The following COL4A6 variants were observed in gnomAD, a reference collection of about 807,000 sequenced individuals.
COL4A6 encodes the protein collagen alpha-6(IV) chain.
A neutral mutation model predicts 126.7 loss-of-function variants in COL4A6; 59 were observed. The observed-to-expected ratio is 0.47, with a 90% CI of 0.38 to 0.58. COL4A6 has a LOEUF of 0.58. COL4A6 is among the 20% of genes least tolerant of loss of function. The probability of loss-of-function intolerance (pLI) is 0.00; values close to 1 mark genes in which losing one functional copy is unlikely to be tolerated. For missense variants in COL4A6, 1,285 were observed against 1,337.3 expected (o/e 0.96, Z 0.61); for synonymous variants, 547 against 496.6 (o/e 1.10, Z -1.35).
chrX:108,165,686 T>G (rs1241588555), intron 37 of COL4A6, among the ~76,000 whole-genome samples, 200 bp from the exon 38 acceptor site: 2 of 111,662 alleles, frequency 1.8e-5, no homozygotes, highest in Non-Finnish European at 3.8e-5. Flanking sequence ...GCTCAGAGAC[T>G]CCCCTTTTCC....
At chrX:108,320,029 G>C (rs1050597704) in intron 2 of COL4A6, among the ~76,000 whole-genome samples, 9 of 111,770 alleles carry the variant, frequency 8.1e-5, no homozygotes, top group African/African-American at 2.9e-4. Context: ...AGAATACATA[G>C]ATACAGATGC....
chrX:108,410,283 C>T (rs920508902), intron 2 of COL4A6, among the ~76,000 whole-genome samples: 3 of 111,672 alleles, frequency 2.7e-5, no homozygotes, highest in Non-Finnish European at 5.6e-5. Context: ...CCTGATTAAT[C>T]ACTTTCACAT....
At chrX:108,180,661 T>C in intron 24 of COL4A6, 39 bp from the exon 25 acceptor site, 1 of 1,047,137 alleles carries the variant, frequency 9.5e-7, no homozygotes, top group Non-Finnish European at 1.3e-6. Context: ...GAAAGGAAAG[T>C]CGGTGTGCTA....
intron 2 of COL4A6, among the ~76,000 whole-genome samples, chrX:108,387,108 T>A (rs1403459318): frequency 8.9e-6 from 1 of 112,168 alleles, no homozygotes. Context: ...GCTGTTTTTG[T>A]TACTGTAGCC....
chrX:108,208,143 C>T (rs1445653534), intron 8 of COL4A6, among the ~76,000 whole-genome samples: 1 of 111,688 alleles, frequency 9.0e-6, no homozygotes, highest in African/African-American at 3.2e-5. Context: ...ATCTTAGATG[C>T]CTATGCACAT....
At chrX:108,196,984 A>G (rs773219998) in intron 13 of COL4A6, among the ~76,000 whole-genome samples, 5 of 112,229 alleles carry the variant, frequency 4.5e-5, no homozygotes, top group Non-Finnish European at 9.4e-5. Context: ...GCTGCCTTCT[A>G]TCATCTAGGA....
At chrX:108,264,201 T>A (rs1266762) in intron 3 of COL4A6, among the ~76,000 whole-genome samples, 1 of 110,092 alleles carries the variant, frequency 9.1e-6, no homozygotes, top group African/African-American at 3.3e-5. Context: ...TACTACCCAG[T>A]GAAGCACTTT....
intron 3 of COL4A6, among the ~76,000 whole-genome samples, chrX:108,233,713 G>A (rs1258631128): frequency 8.9e-6 from 1 of 111,990 alleles, no homozygotes; most frequent in Non-Finnish European, 1.9e-5. Context: ...ACAAGAGCCT[G>A]CTAAAATGGT....
At chrX:108,221,756 C>T (rs1249410293) in intron 3 of COL4A6, among the ~76,000 whole-genome samples, 1 of 112,566 alleles carries the variant, frequency 8.9e-6, no homozygotes, top group Non-Finnish European at 1.9e-5. Context: ...TTATAACTCA[C>T]GTCCAAATGG....
At chrX:108,219,409 C>T (rs745455821) in intron 5 of COL4A6, among the ~76,000 whole-genome samples, 1 of 111,664 alleles carries the variant, frequency 9.0e-6, no homozygotes, top group Non-Finnish European at 1.9e-5. Context: ...TTCCTCATCT[C>T]CAATCAAAGC....
At chrX:108,205,095 G>A (rs1399774320) in intron 11 of COL4A6, among the ~76,000 whole-genome samples, 1 of 110,380 alleles carries the variant, frequency 9.1e-6, no homozygotes, top group Non-Finnish European at 1.9e-5. Flanking sequence ...CAGAGACAAG[G>A]AAAGAGAAGG....
chrX:108,299,505 A>G (rs2038426250), intron 3 of COL4A6, among the ~76,000 whole-genome samples: 1 of 111,195 alleles, frequency 9.0e-6, no homozygotes, highest in African/African-American at 3.3e-5. Context: ...TCCCTTGCTC[A>G]TAGCTGTATT....
At chrX:108,426,429 A>AT (rs1446784664) in intron 2 of COL4A6, among the ~76,000 whole-genome samples, 1 of 111,664 alleles carries the variant, frequency 9.0e-6, no homozygotes, top group Non-Finnish European at 1.9e-5. Flanking sequence ...AGACTGAAAG[A>AT]TAATGGCAAA....
chrX:108,267,132 C>A (rs775170940), intron 3 of COL4A6, among the ~76,000 whole-genome samples: 13 of 111,704 alleles, frequency 1.2e-4, no homozygotes, highest in Non-Finnish European at 1.7e-4. Context: ...TGCCTGTATC[C>A]CTTGACTTGT....
chrX:108,202,161 C>T (rs181836951), intron 13 of COL4A6, among the ~76,000 whole-genome samples: 1 of 111,774 alleles, frequency 8.9e-6, no homozygotes, highest in African/African-American at 3.2e-5. Flanking sequence ...CTCAGAAAGG[C>T]CCTTCTTGAC....
chrX:108,389,768 G>A (rs1351804026), intron 2 of COL4A6, among the ~76,000 whole-genome samples: 1 of 111,160 alleles, frequency 9.0e-6, no homozygotes, highest in African/African-American at 3.3e-5. Context: ...TGATCCTGTC[G>A]TTATGATGCT....
intron 2 of COL4A6, among the ~76,000 whole-genome samples, chrX:108,385,233 G>A (rs1001766363): frequency 5.7e-5 from 6 of 105,328 alleles, no homozygotes; most frequent in Non-Finnish European, 9.7e-5. Context: ...ATGAAATTAC[G>A]AAAAGTAATT....
At chrX:108,197,776 T>TGTGTGC (rs1178146096) in intron 13 of COL4A6, among the ~76,000 whole-genome samples, 1 of 93,592 alleles carries the variant, frequency 1.1e-5, no homozygotes, top group Non-Finnish European at 2.1e-5. Context: ...GGGAGGAGTG[T>TGTGTGC]GTGTGTGTGT....
chrX:108,353,583 A>C (rs1796723071), intron 2 of COL4A6, among the ~76,000 whole-genome samples: 1 of 111,803 alleles, frequency 8.9e-6, no homozygotes, highest in Admixed American at 9.5e-5. Flanking sequence ...TTCATTAGCT[A>C]GAGATTATAG....
Sources: gnomAD v4.1 joint callset for allele counts (sites outside exome capture counted in the v4.1 genomes callset) on GRCh38, gnomAD v4.1.1 for gene constraint, MANE v1.5 for transcripts, NCBI Gene and HGNC (gene_info 2026-07-23, HGNC 2026-07-21) for gene names.